The following SCN3A variants were observed in gnomAD, a reference collection of about 807,000 sequenced individuals.
SCN3A encodes sodium channel protein type 3 subunit alpha.
A neutral mutation model predicts 187.6 loss-of-function variants in SCN3A; 60 were observed. The observed-to-expected ratio is 0.32, with a 90% CI of 0.26 to 0.40. The LOEUF (loss-of-function observed/expected upper bound fraction) is 0.40. Among genes scored for constraint, SCN3A ranks in the 10% least tolerant of loss-of-function variants. The probability of loss-of-function intolerance (pLI) is 1.00; values close to 1 mark genes in which losing one functional copy is unlikely to be tolerated. For synonymous variants in SCN3A, 788 were observed against 829.2 expected, an observed-to-expected ratio of 0.95 and a Z score of 0.85; for missense variants, 1,601 against 2,428.2, an observed-to-expected ratio of 0.66 and a Z score of 7.16.
At chr2:165,096,543 T>C in intron 23 of SCN3A, 23 bp from the exon 24 acceptor site, 1 of 1,584,814 alleles carries the variant, frequency 6.3e-7, no homozygotes, top group Non-Finnish European at 8.7e-7. Context: ...TATATTTGAA[T>C]TGTTCATAAA....
At position 165,184,486 on chromosome 2, in the gene SCN3A, A is replaced by G. The variant is rs1261229324; in HGVS notation, c.-51+2065T>C. 5.7e-5 allele frequency among the ~76,000 whole-genome samples: 8 copies of G among 139,298 alleles called. No homozygotes were observed. The East Asian group carries it at 1.7e-3, about 29-fold the overall frequency. 91.4% of individuals were successfully genotyped at this position (139,298 alleles called of 152,430 possible). A position where few individuals can be genotyped will look rare whatever the true frequency, so the allele number is the denominator to read the frequency against. On this transcript the variant is annotated intron_variant, in intron 2 of 27. Transcript: ENST00000283254. ...AGATTTAAACCTGTCTAGTTCAGAAAAAAAAAAAAAAAAGAAAAAAAAAAA... is the reference window on the plus strand; with the variant it reads ...AGATTTAAACCTGTCTAGTTCAGAAGAAAAAAAAAAAAAGAAAAAAAAAAA...
rs556762158 is a variant in SCN3A at position 165,129,881 on chromosome 2, C to T, written c.2922+59G>A. ...GAGATATGTTTACTACATCTGGCCACGTTCCTAGCTACTGTCTGCTCTTGT... is the reference window on the plus strand; with the variant it reads ...GAGATATGTTTACTACATCTGGCCATGTTCCTAGCTACTGTCTGCTCTTGT... On this transcript the variant is annotated intron_variant, in intron 17 of 27. Transcript: ENST00000283254. 233 of 1,604,932 alleles carry T rather than the reference C, an allele frequency of 1.5e-4. 1 individual carries two copies. Among genetic ancestry groups the T allele is most frequent in the South Asian group, 1.4e-3 (125 of 90,884 alleles).
Position 165,146,733 on chromosome 2 carries a change from T to C in SCN3A, c.1671+6A>G. ...AGAAACCAGAGCACTTAGTAGAAAA[T>C]CATACCTGATGAGGGGAGCAGAATT... is the stretch of plus-strand genomic sequence containing the variant. On this transcript the variant is annotated splice_donor_region_variant and intron_variant, in intron 12 of 27. Transcript: ENST00000283254. 1 of 1,613,690 alleles carries C rather than the reference T, an allele frequency of 6.2e-7. No individual in the cohort carries two copies. The highest frequency in any genetic ancestry group is 8.5e-7 in the Non-Finnish European group (1 of 1,179,846).
At position 165,154,545 on chromosome 2, in the gene SCN3A, C is replaced by A. The variant is rs764726321; in HGVS notation, c.1287G>T (p.Glu429Asp). The stretch of plus-strand genomic sequence containing the variant: ...CTTCTTCCAAGGTGGCCTGATTCTG[C>A]TCCTCATAGGCCATGGCCACCACAG... Reference protein sequence around the residue: ...ILAVVAMAYEEQNQATLEEAE... With the variant: ...ILAVVAMAYEDQNQATLEEAE... The change falls in exon 11 of 28, where the codon GAG becomes GAT. Residue 429 changes from glutamate (E) to aspartate (D), a missense_variant. Transcript: ENST00000283254. 6.2e-7 allele frequency: 1 copy of A among 1,614,002 alleles called. No homozygotes were observed. The highest frequency in any genetic ancestry group is 1.3e-5 in the African/African-American group (1 of 74,898).
rs142323631 is a variant in SCN3A at position 165,162,673 on chromosome 2, C to T, written c.850G>A (p.Asp284Asn). The change falls in exon 8 of 28, where the codon GAT becomes AAT. Residue 284 changes from aspartate (D) to asparagine (N), a missense_variant. Transcript: ENST00000283254. ...RNKCLQWPPSDSAFETNTTSY... is the reference protein window; with the variant it reads ...RNKCLQWPPSNSAFETNTTSY... ...GTGGTGTTGGTTTCAAAAGCAGAAT[C>T]GCTTGGGGGCCACTGCAAACATTTA... The T allele has an allele frequency of 4.0e-5, 65 of 1,614,002 alleles. No homozygotes were observed. The highest frequency in any genetic ancestry group is 1.6e-4 in the Middle Eastern group (1 of 6,084).
intron 11 of SCN3A, among the ~76,000 whole-genome samples, chr2:165,153,530 G>T (rs1033927949): frequency 1.3e-5 from 2 of 151,664 alleles, no homozygotes; most frequent in Admixed American, 1.3e-4. Context: ...TCAATAATAT[G>T]AAATCAAACA....
intron 15 of SCN3A, among the ~76,000 whole-genome samples, chr2:165,135,077 T>G (rs1052212150): frequency 1.3e-5 from 2 of 152,060 alleles, no homozygotes; most frequent in Non-Finnish European, 2.9e-5. Flanking sequence ...AATGGGATTG[T>G]TTTTGGTACA....
chr2:165,152,923 A>G (rs1688774511), intron 11 of SCN3A, among the ~76,000 whole-genome samples: 1 of 151,950 alleles, frequency 6.6e-6, no homozygotes, highest in South Asian at 2.1e-4. Context: ...AGTATAATAA[A>G]AAATATATAT....
intron 9 of SCN3A, among the ~76,000 whole-genome samples, chr2:165,157,210 C>T (rs1689112717): frequency 1.3e-5 from 2 of 152,064 alleles, no homozygotes; most frequent in African/African-American, 4.8e-5. Context: ...GTGCCCAGCC[C>T]TCAGTTTTTT....
intron 9 of SCN3A, among the ~76,000 whole-genome samples, chr2:165,156,288 T>C (rs12987874): frequency 0.38 from 58,057 of 150,888 alleles, 11,489 homozygotes; most frequent in Non-Finnish European, 0.42. Flanking sequence ...GGGCGGATCA[T>C]AAGGTCAGGA....
At chr2:165,126,021 T>C (rs1371498417) in intron 18 of SCN3A, among the ~76,000 whole-genome samples, 1 of 152,184 alleles carries the variant, frequency 6.6e-6, no homozygotes, top group Non-Finnish European at 1.5e-5. Context: ...TACCTGAAAA[T>C]AGTCAGGAAG....
rs1684905655 is a variant in SCN3A at position 165,087,821 on chromosome 2, TGAGTTTAGATGCTTATAGCCAAGG to T, written c.*2305_*2328del. The T allele has an allele frequency of 6.6e-6, 1 of 152,148 alleles. No homozygotes were observed. Among genetic ancestry groups the T allele is most frequent in the African/African-American group, 2.4e-5 (1 of 41,446 alleles). 9.4% of individuals were successfully genotyped at this position (152,148 alleles called of 1,614,324 possible). A position where few individuals can be genotyped will look rare whatever the true frequency, so the allele number is the denominator to read the frequency against. On this transcript the variant is annotated 3_prime_UTR_variant, in exon 28 of 28. Transcript: ENST00000283254. ...TAGCATCAATTATATTGAAAGAAGA[TGAGTTTAGATGCTTATAGCCAAGG>T]GAGTTAATTGAAATTGAAAGCTATT...
At chr2:165,153,973 G>A (rs965263546) in intron 11 of SCN3A, among the ~76,000 whole-genome samples, 3 of 131,932 alleles carry the variant, frequency 2.3e-5, no homozygotes, top group Non-Finnish European at 3.1e-5. Context: ...ATCCTGATGT[G>A]GGCTATAGCA....
chr2:165,094,328 A>G, intron 26 of SCN3A, 46 bp downstream of exon 26: 2 of 1,334,524 alleles, frequency 1.5e-6, no homozygotes, highest in East Asian at 2.3e-5. Flanking sequence ...ATTTGACCAT[A>G]TGGACGCATG....
intron 10 of SCN3A, among the ~76,000 whole-genome samples, chr2:165,155,281 G>C (rs1343593583): frequency 6.6e-6 from 1 of 152,146 alleles, no homozygotes; most frequent in East Asian, 1.9e-4. Context: ...TGGCACACTT[G>C]CTTTATGTTG....
rs1686665363 is a variant in SCN3A at position 165,121,342 on chromosome 2, C to G, written c.3394-5767G>C. On this transcript the variant is annotated intron_variant, in intron 18 of 27. Coordinates refer to ENST00000283254, the MANE Select transcript of SCN3A (RefSeq NM_006922.4). ...AGTCAAACATCTACTTTCAAAGTTT[C>G]CATAAAGACTCTGAAAAGGAGGGAA... Among the ~76,000 whole-genome samples, 3 of 152,136 alleles carry G rather than the reference C, an allele frequency of 2.0e-5. No individual in the cohort carries two copies. In the South Asian group the frequency reaches 6.2e-4, roughly 32 times the overall value.
intron 11 of SCN3A, among the ~76,000 whole-genome samples, chr2:165,149,355 A>C (rs2105843113): frequency 6.6e-6 from 1 of 152,018 alleles, no homozygotes; most frequent in African/African-American, 2.4e-5. Flanking sequence ...TTGTATTTTT[A>C]GTAGAGACAG....
At chr2:165,106,721 A>G (rs1685879209) in intron 21 of SCN3A, among the ~76,000 whole-genome samples, 1 of 152,214 alleles carries the variant, frequency 6.6e-6, no homozygotes, top group Non-Finnish European at 1.5e-5. Context: ...TAGTATTACA[A>G]ATGATAACGC....
chr2:165,109,049 T>G (rs79922147), intron 21 of SCN3A, among the ~76,000 whole-genome samples: 1 of 152,084 alleles, frequency 6.6e-6, no homozygotes, highest in East Asian at 1.9e-4. Context: ...TTTTTGACTT[T>G]TTTTCACTGT....
Sources: allele counts gnomAD v4.1 joint callset (sites outside exome capture counted in the v4.1 genomes callset), GRCh38; gene constraint gnomAD v4.1.1; transcripts MANE v1.5; gene names NCBI Gene and HGNC (gene_info 2026-07-23, HGNC 2026-07-21).